Variants in PNPLA8 observed in about 807,000 individuals in gnomAD.
PNPLA8 encodes the protein calcium-independent phospholipase A2-gamma.
Under a neutral mutation model 76.9 loss-of-function variants are expected in PNPLA8, and 39 were observed. The ratio of observed to expected loss-of-function variants is 0.51; its 90% CI spans 0.39 to 0.66. PNPLA8 has a LOEUF of 0.66. Among genes scored for constraint, PNPLA8 ranks in the 30% least tolerant of loss-of-function variants. The pLI, the probability that PNPLA8 is intolerant of heterozygous loss-of-function variation, is 0.00. For missense variants in PNPLA8, 887 were observed against 918.0 expected (o/e 0.97, Z 0.44); for synonymous variants, 301 against 307.9 (o/e 0.98, Z 0.24).
At chr7:108,501,046 A>C (rs1224275919) in intron 5 of PNPLA8, among the ~76,000 whole-genome samples, 1 of 152,188 alleles carries the variant, frequency 6.6e-6, no homozygotes, top group African/African-American at 2.4e-5. Flanking sequence ...ACTCGGGTGA[A>C]TACAGAACCA....
chr7:108,509,478 T>C (rs1440440461), intron 4 of PNPLA8, among the ~76,000 whole-genome samples: 1 of 148,894 alleles, frequency 6.7e-6, no homozygotes, highest in Non-Finnish European at 1.5e-5. Flanking sequence ...CACAATGAGA[T>C]ACCATCTCAC....
At chr7:108,490,356 G>A (rs1861054888) in intron 8 of PNPLA8, among the ~76,000 whole-genome samples, 1 of 152,094 alleles carries the variant, frequency 6.6e-6, no homozygotes, top group African/African-American at 2.4e-5. Flanking sequence ...ATCTAAGTAT[G>A]TCTAAGTACA....
chr7:108,497,577 C>A lies in PNPLA8; in HGVS notation c.1359G>T (p.Arg453Ser), dbSNP rs374540359. 2 of 1,556,832 alleles carry A rather than the reference C, an allele frequency of 1.3e-6. No individual in the cohort carries two copies. Among genetic ancestry groups the A allele is most frequent in the South Asian group, 2.4e-5 (2 of 82,166 alleles). ...RILSIDGGGTRGVVALQTLRK... is the reference protein window; with the variant it reads ...RILSIDGGGTSGVVALQTLRK... ...GTAGGGTCTGGAGAGCAACCACGCC[C>A]CTACAGAAAAGATTAAAGACAAAAT... Residue 453 changes from arginine (R) to serine (S), a missense_variant and splice_region_variant, in exon 6 of 11, where the codon AGG (arginine) becomes AGT (serine). Coordinates refer to ENST00000257694, the MANE Select transcript of PNPLA8 (RefSeq NM_001256007.3).
chr7:108,518,334 A>C (rs564620674), intron 2 of PNPLA8: 4 of 152,382 alleles, frequency 2.6e-5, no homozygotes, highest in African/African-American at 9.6e-5. Context: ...AGCTGTTGCC[A>C]AAAGCAGTGT....
chr7:108,493,028 T>C (rs900168331), intron 7 of PNPLA8, among the ~76,000 whole-genome samples: 4 of 152,190 alleles, frequency 2.6e-5, no homozygotes, highest in East Asian at 1.9e-4. Flanking sequence ...CCCAGGCCCA[T>C]TGGTAGAGCC....
intron 9 of PNPLA8, among the ~76,000 whole-genome samples, chr7:108,482,635 T>C (rs918339069): frequency 6.6e-6 from 1 of 152,256 alleles, no homozygotes; most frequent in Admixed American, 6.5e-5. Context: ...CTTTACCATG[T>C]AGCATCTTTC....
intron 2 of PNPLA8, among the ~76,000 whole-genome samples, chr7:108,517,463 G>C (rs2154516934): frequency 6.6e-6 from 1 of 152,358 alleles, no homozygotes; most frequent in South Asian, 2.1e-4. Flanking sequence ...GATGTTTACA[G>C]AAGCCTTATT....
intron 9 of PNPLA8, among the ~76,000 whole-genome samples, chr7:108,481,629 G>A (rs903615228): frequency 1.3e-5 from 2 of 152,016 alleles, no homozygotes; most frequent in Admixed American, 1.3e-4. Context: ...CCTGTATGTC[G>A]CTTGTCTCCT....
At chr7:108,526,209 T>C, upstream of PNPLA8, 3 of 542,294 alleles carry the variant, frequency 5.5e-6, no homozygotes, top group Non-Finnish European at 7.1e-6. Context: ...CGCTAGAAGT[T>C]TGGGTCTACC....
intron 5 of PNPLA8, among the ~76,000 whole-genome samples, chr7:108,499,552 TG>T (rs1172395560): frequency 6.6e-6 from 1 of 152,226 alleles, no homozygotes; most frequent in Non-Finnish European, 1.5e-5. Context: ...GCTGACATTC[TG>T]GGTTGGATAA....
At chr7:108,489,627 G>A (rs966275165) in intron 8 of PNPLA8, among the ~76,000 whole-genome samples, 1 of 152,166 alleles carries the variant, frequency 6.6e-6, no homozygotes, top group Admixed American at 6.5e-5. Flanking sequence ...TGAACCCCAT[G>A]TCTGCATTTG....
At chr7:108,481,608 AGTATTTTCTTCCT>A (rs1860400837) in intron 9 of PNPLA8, among the ~76,000 whole-genome samples, 1 of 152,192 alleles carries the variant, frequency 6.6e-6, no homozygotes, top group South Asian at 2.1e-4. Context: ...TGAATTTGCA[AGTATTTTCTTCCT>A]GTATGTCGCT....
chr7:108,494,592 T>C (rs58360788), intron 7 of PNPLA8, among the ~76,000 whole-genome samples: 1 of 152,216 alleles, frequency 6.6e-6, no homozygotes, highest in Non-Finnish European at 1.5e-5. Flanking sequence ...CCACATTTTC[T>C]TTATCCAATC....
intron 4 of PNPLA8, among the ~76,000 whole-genome samples, chr7:108,513,119 A>T (rs1232700695): frequency 6.6e-6 from 1 of 152,172 alleles, no homozygotes; most frequent in Non-Finnish European, 1.5e-5. Flanking sequence ...TGTTGTTTAT[A>T]AATTACCCAA....
chr7:108,523,824 T>C (rs1179085231), intron 1 of PNPLA8, among the ~76,000 whole-genome samples: 1 of 151,914 alleles, frequency 6.6e-6, no homozygotes, highest in East Asian at 1.9e-4. Context: ...CAAGTACTAG[T>C]GTGGGGAAGA....
In PNPLA8 at chr7:108,471,218, T is replaced by A; in HGVS notation, c.*1183A>T. The stretch of plus-strand genomic sequence containing the variant: ...TAAAACAAGCCTAACTTCTTCTTTT[T>A]TTTTTTTTTTTTTTTGAGATGGAGT... On this transcript the variant is annotated 3_prime_UTR_variant, in exon 11 of 11. Coordinates refer to ENST00000257694, the MANE Select transcript of PNPLA8 (RefSeq NM_001256007.3). The A allele has an allele frequency of 6.7e-6, 1 of 148,390 alleles. No homozygotes were observed. Among genetic ancestry groups the A allele is most frequent in the Admixed American group, 6.7e-5 (1 of 14,946 alleles). 9.2% of individuals were successfully genotyped at this position (148,390 alleles called of 1,614,324 possible).
intron 8 of PNPLA8, among the ~76,000 whole-genome samples, chr7:108,490,840 T>G (rs1861113784): frequency 6.6e-6 from 1 of 152,158 alleles, no homozygotes; most frequent in East Asian, 1.9e-4. Context: ...ATCACTAGAT[T>G]TGATTTTTAA....
intron 10 of PNPLA8, among the ~76,000 whole-genome samples, chr7:108,478,509 G>A (rs1860156543): frequency 6.6e-6 from 1 of 152,074 alleles, no homozygotes; most frequent in Non-Finnish European, 1.5e-5. Context: ...TCCTGCCTCA[G>A]CCTTCCAAGG....
intron 8 of PNPLA8, among the ~76,000 whole-genome samples, chr7:108,491,139 T>C (rs1861136588): frequency 6.6e-6 from 1 of 151,980 alleles, no homozygotes; most frequent in African/African-American, 2.4e-5. Flanking sequence ...ACCCTGTCTC[T>C]ACTAAAAATA....
Sources: gnomAD v4.1 joint callset for allele counts (sites outside exome capture counted in the v4.1 genomes callset) on GRCh38, gnomAD v4.1.1 for gene constraint, MANE v1.5 for transcripts, NCBI Gene and HGNC (gene_info 2026-07-23, HGNC 2026-07-21) for gene names.